CENPC: variants seen among roughly 807,000 people sequenced by gnomAD.
CENPC encodes CENP-C 1.
Under a neutral mutation model 112.1 loss-of-function variants are expected in CENPC, and 63 were observed. The ratio of observed to expected loss-of-function variants is 0.56; its 90% confidence interval spans 0.46 to 0.69. The LOEUF is 0.69. Among genes scored for constraint, CENPC ranks in the 30% least tolerant of loss-of-function variants. CENPC has a pLI of 0.00. For missense variants in CENPC, 1,000 were observed against 1,103.8 expected, an observed-to-expected ratio of 0.91 and a Z score of 1.33; for synonymous variants, 333 against 367.6, an observed-to-expected ratio of 0.91 and a Z score of 1.08.
chr4:67,506,944 T>G lies in CENPC; in HGVS notation c.1905-10A>C. On this transcript the variant is annotated splice_polypyrimidine_tract_variant and intron_variant, in intron 10 of 18. Coordinates refer to ENST00000273853, the MANE Select transcript of CENPC (RefSeq NM_001812.4). Reference sequence around the variant, plus strand: ...TGAGCTTCTTGTAGATCTATAAAAATGATAAATGTATGAGTGTTTATACTT... The same window carrying G: ...TGAGCTTCTTGTAGATCTATAAAAAGGATAAATGTATGAGTGTTTATACTT... The G allele has an allele frequency of 6.3e-7, 1 of 1,591,794 alleles. No homozygotes were observed.
chr4:67,540,466 C>T (rs1284553258), intron 3 of CENPC, among the ~76,000 whole-genome samples: 3 of 152,050 alleles, frequency 2.0e-5, no homozygotes, highest in African/African-American at 7.2e-5. Flanking sequence ...GGCAGGAGTT[C>T]GAGACCAGAC....
intron 5 of CENPC, among the ~76,000 whole-genome samples, chr4:67,521,965 T>G (rs184956079): frequency 6.6e-6 from 1 of 152,284 alleles, no homozygotes; most frequent in East Asian, 1.9e-4. Context: ...GGGTACAGTG[T>G]TTCAGTTGTG....
intron 4 of CENPC, among the ~76,000 whole-genome samples, chr4:67,533,044 C>T (rs942700079): frequency 1.3e-5 from 2 of 152,118 alleles, no homozygotes; most frequent in East Asian, 1.9e-4. Context: ...GACACAGTAT[C>T]AGCACAGTAG....
Position 67,536,518 on chromosome 4 carries a change from C to T in CENPC, c.231+3322G>A, listed in dbSNP as rs187978492. Reference sequence around the variant, plus strand: ...AAGACAAACAAATATGAAGTAATAACTAGACCTAGGAATCTCAAGTTCGCA... The same window carrying T: ...AAGACAAACAAATATGAAGTAATAATTAGACCTAGGAATCTCAAGTTCGCA... On this transcript the variant is annotated intron_variant, in intron 4 of 18. Coordinates refer to ENST00000273853, the MANE Select transcript of CENPC (RefSeq NM_001812.4). 5.1e-4 allele frequency among the ~76,000 whole-genome samples: 77 copies of T among 152,082 alleles called. No homozygotes were observed. In the Middle Eastern group the frequency reaches 0.01, roughly 20 times the overall value.
intron 12 of CENPC, among the ~76,000 whole-genome samples, chr4:67,497,299 A>T (rs1221161461): frequency 6.6e-6 from 1 of 151,684 alleles, no homozygotes; most frequent in African/African-American, 2.4e-5. Flanking sequence ...AATCGCTTGA[A>T]CCCAGAAGGC....
intron 17 of CENPC, among the ~76,000 whole-genome samples, chr4:67,489,464 T>C (rs934724821): frequency 6.6e-6 from 1 of 152,072 alleles, no homozygotes; most frequent in Non-Finnish European, 1.5e-5. Context: ...ATAATCTCAC[T>C]CATTTTATTT....
chr4:67,485,018 G>A (rs185147904), intron 17 of CENPC, among the ~76,000 whole-genome samples: 1 of 152,214 alleles, frequency 6.6e-6, no homozygotes, highest in East Asian at 1.9e-4. Context: ...GCGTGAACCT[G>A]GGAGGTGGAG....
In CENPC at chr4:67,527,471, A is replaced by T. The variant is rs79022516; in HGVS notation, c.331+3344T>A. On this transcript the variant is annotated intron_variant, in intron 5 of 18. Coordinates refer to ENST00000273853, the MANE Select transcript of CENPC (RefSeq NM_001812.4). ...CAAATGTTTTCTAAGAGCAGGAACA[A>T]CGCTAGAATTTTCACCCCATCCTTT... Among the ~76,000 whole-genome samples the T allele has an allele frequency of 2.0e-5, 3 of 149,616 alleles. No homozygotes were observed. The East Asian group carries it at 5.9e-4, about 29-fold the overall frequency.
chr4:67,519,486 A>T lies in CENPC; in HGVS notation c.348T>A (p.Val116=). The change falls in exon 6 of 19, where the codon GTT becomes GTA. Residue 116 remains valine (V), a synonymous_variant. Coordinates refer to ENST00000273853, the MANE Select transcript of CENPC (RefSeq NM_001812.4). ...CATCAGTTGCCAGAATTTTCTGATG[A>T]ACTTCATGGGCCTGAACTAGAAGAA... ...ATNRSVQAHE[V]HQKILATDVS... 1 of 1,587,268 alleles carries T rather than the reference A, an allele frequency of 6.3e-7. No homozygotes were observed. Among genetic ancestry groups the T allele is most frequent in the Non-Finnish European group, 8.6e-7 (1 of 1,162,916 alleles).
At chr4:67,518,930 T>C (rs1394705980) in intron 6 of CENPC, among the ~76,000 whole-genome samples, 2 of 152,188 alleles carry the variant, frequency 1.3e-5, no homozygotes, top group African/African-American at 4.8e-5. Context: ...ACAAAAAATA[T>C]TGAGAAAATA....
At chr4:67,504,493 T>C (rs771697676) in intron 12 of CENPC, among the ~76,000 whole-genome samples, 4 of 152,166 alleles carry the variant, frequency 2.6e-5, no homozygotes, top group African/African-American at 7.2e-5. Context: ...AAATTCTCTA[T>C]TAAGAGGCAT....
intron 14 of CENPC, 87 bp from the exon 15 acceptor site, chr4:67,493,084 T>G (rs1725328863): frequency 1.8e-6 from 2 of 1,094,312 alleles, no homozygotes; most frequent in Non-Finnish European, 2.6e-6. Context: ...GCACATTTCC[T>G]TTCAAAGTAC....
chr4:67,527,493 CTTTTTTTT>C (rs11317672), intron 5 of CENPC, among the ~76,000 whole-genome samples: 4 of 68,080 alleles, frequency 5.9e-5, no homozygotes, highest in African/African-American at 2.3e-4. Context: ...TCACCCCATC[CTTTTTTTT>C]TTTTTTTTTT....
At chr4:67,503,355 T>C (rs559740798) in intron 12 of CENPC, among the ~76,000 whole-genome samples, 1 of 152,252 alleles carries the variant, frequency 6.6e-6, no homozygotes, top group Admixed American at 6.5e-5. Context: ...TCTCTTCAAA[T>C]CTTTGCTCAA....
At chr4:67,533,722 T>C (rs1229856100) in intron 4 of CENPC, among the ~76,000 whole-genome samples, 2 of 152,022 alleles carry the variant, frequency 1.3e-5, no homozygotes, top group Non-Finnish European at 2.9e-5. Flanking sequence ...TAAAGATTAG[T>C]AGAATTGCAA....
chr4:67,535,828 G>A (rs355489), intron 4 of CENPC, among the ~76,000 whole-genome samples: 95,339 of 150,844 alleles, frequency 0.63, 30,309 homozygotes, highest in East Asian at 0.81. Flanking sequence ...CAAAGACTGG[G>A]AAAAAAAATC....
intron 3 of CENPC, 47 bp from the exon 4 acceptor site, chr4:67,539,981 T>C (rs768868081): frequency 1.5e-5 from 15 of 979,680 alleles, no homozygotes; most frequent in East Asian, 8.8e-5. Context: ...TAGTGTAATA[T>C]CTATTAGTCA....
Position 67,472,479 on chromosome 4 carries a change from CAG to C in CENPC, c.*124_*125del. On this transcript the variant is annotated 3_prime_UTR_variant, in exon 19 of 19. Transcript: ENST00000273853. ...GAAATGTTTATCAAATACAAGTCTA[CAG>C]AAAACTGAATAAAATTTTTATTTTA... 8.4e-7 allele frequency: 1 copy of C among 1,196,278 alleles called. No individual in the cohort carries two copies. Among genetic ancestry groups the C allele is most frequent in the Non-Finnish European group, 1.1e-6 (1 of 934,894 alleles). 74.1% of individuals were successfully genotyped at this position (1,196,278 alleles called of 1,614,324 possible).
intron 17 of CENPC, among the ~76,000 whole-genome samples, chr4:67,486,686 C>T (rs1725102713): frequency 6.6e-6 from 1 of 152,168 alleles, no homozygotes; most frequent in Admixed American, 6.5e-5. Context: ...GCCTTACCTA[C>T]AGGACGGCCC....
Sources: gnomAD v4.1 joint callset for allele counts (sites outside exome capture counted in the v4.1 genomes callset) on GRCh38, gnomAD v4.1.1 for gene constraint, MANE v1.5 for transcripts, NCBI Gene and HGNC (gene_info 2026-07-23, HGNC 2026-07-21) for gene names.